PIGG: variants seen among roughly 807,000 people sequenced by gnomAD.
PIGG encodes GPI ethanolamine phosphate transferase 2, catalytic subunit.
In PIGG, 70 loss-of-function variants were observed where a neutral mutation model predicts 83.2. The ratio of observed to expected loss-of-function variants is 0.84; its 90% CI spans 0.69 to 1.03. The LOEUF (loss-of-function observed/expected upper bound fraction) is 1.03, where lower values mean the gene tolerates loss of function less well. Ranked by LOEUF, PIGG falls within the 50% of genes least tolerant of loss-of-function variation. PIGG has a pLI of 0.00. For missense variants in PIGG, 1,257 were observed against 1,233.6 expected, an observed-to-expected ratio of 1.02 and a Z score of -0.28; for synonymous variants, 532 against 519.5, an observed-to-expected ratio of 1.02 and a Z score of -0.33.
intron 5 of PIGG, among the ~76,000 whole-genome samples, chr4:510,577 C>A (rs939587691): frequency 6.6e-6 from 1 of 152,222 alleles, no homozygotes; most frequent in Non-Finnish European, 1.5e-5. Context: ...GAATGTCTGA[C>A]CTGAGCAGAG....
At chr4:527,982 CT>C in intron 10 of PIGG, 1 of 985,412 alleles carries the variant, frequency 1.0e-6, no homozygotes, top group Non-Finnish European at 1.2e-6. Context: ...CTGAAGTGTC[CT>C]TCACAAAGTG....
Position 528,260 on chromosome 4 carries a change from ATACT to A in PIGG, c.2261+1033_2261+1036del, listed in dbSNP as rs1728203969. The A allele has an allele frequency of 1.0e-6, 1 of 983,386 alleles. No individual in the cohort carries two copies. The highest frequency in any genetic ancestry group is 1.7e-5 in the African/African-American group (1 of 57,172). 60.9% of individuals were successfully genotyped at this position (983,386 alleles called of 1,614,324 possible). On this transcript the variant is annotated intron_variant, in intron 10 of 12. Transcript: ENST00000453061. This position sits in a 1 kb window ranked among gnomAD's most constrained non-coding sequence, Gnocchi z 4.8. ...TTTTCATACTTATATGAAAGACTAC[ATACT>A]TAAAATACTGGTGATTATATTTAGG... is the stretch of plus-strand genomic sequence containing the variant.
intron 12 of PIGG, among the ~76,000 whole-genome samples, chr4:537,824 T>G (rs550140822): frequency 6.6e-6 from 1 of 152,312 alleles, no homozygotes; most frequent in East Asian, 1.9e-4. Context: ...GGTGAGGCTG[T>G]GGAGGGGCCA....
intron 4 of PIGG, among the ~76,000 whole-genome samples, chr4:508,608 C>T (rs1346655760): frequency 6.6e-6 from 1 of 152,240 alleles, no homozygotes; most frequent in East Asian, 1.9e-4. Context: ...ATGCAGCCTG[C>T]TGTGCTCCAT....
At chr4:503,416 C>G (rs1718459135) in intron 2 of PIGG, among the ~76,000 whole-genome samples, 1 of 152,160 alleles carries the variant, frequency 6.6e-6, no homozygotes, top group Non-Finnish European at 1.5e-5. Context: ...TCCCGTTTAC[C>G]TCTTCATCCT....
chr4:501,217 G>A (rs1336651232), intron 2 of PIGG: 7 of 451,204 alleles, frequency 1.6e-5, no homozygotes, highest in African/African-American at 6.0e-5. Context: ...ACGACTATGT[G>A]GTGATACTTC....
At chr4:519,472 C>T (rs1183161574) in intron 6 of PIGG, among the ~76,000 whole-genome samples, 4 of 152,260 alleles carry the variant, frequency 2.6e-5, no homozygotes, top group Non-Finnish European at 5.9e-5. Flanking sequence ...AGGATGCCAG[C>T]CCTGGAACCA....
intron 12 of PIGG, among the ~76,000 whole-genome samples, chr4:535,378 C>T (rs1730236912): frequency 6.6e-6 from 1 of 152,224 alleles, no homozygotes; most frequent in African/African-American, 2.4e-5. Flanking sequence ...GCCACAGTCA[C>T]GAATCCCCGC....
intron 9 of PIGG, among the ~76,000 whole-genome samples, chr4:524,134 T>C (rs1026092645): frequency 6.6e-6 from 1 of 152,250 alleles, no homozygotes; most frequent in Non-Finnish European, 1.5e-5. Context: ...ACAGGTTTCA[T>C]TTATTAGTGC....
Position 540,085 on chromosome 4 carries a change from T to A in PIGG, c.*716T>A, listed in dbSNP as rs1248099431. ...AGGTGGCTGAGGAAAGAGTATTGTT[T>A]CAGCCGAGTTCAAGGCTGCAGTGAG... On this transcript the variant is annotated 3_prime_UTR_variant, in exon 13 of 13. Coordinates refer to ENST00000453061, the MANE Select transcript of PIGG (RefSeq NM_001127178.3). 1 of 152,244 alleles carries A rather than the reference T, an allele frequency of 6.6e-6. No individual in the cohort carries two copies. Among genetic ancestry groups the A allele is most frequent in the African/African-American group, 2.4e-5 (1 of 41,432 alleles). 9.4% of individuals were successfully genotyped at this position (152,244 alleles called of 1,614,324 possible).
intron 2 of PIGG, 64 bp downstream of exon 2, chr4:500,665 C>G: frequency 9.6e-7 from 1 of 1,042,824 alleles, no homozygotes; most frequent in African/African-American, 1.6e-5. Flanking sequence ...GAGGGGGTCT[C>G]TGTAGTCTTT....
rs769746714 is a variant in PIGG, at chr4:530,444, T to C, written c.2270T>C (p.Ile757Thr). The C allele has an allele frequency of 1.9e-6, 3 of 1,610,866 alleles. No individual in the cohort carries two copies. Among genetic ancestry groups the C allele is most frequent in the Admixed American group, 1.7e-5 (1 of 59,872 alleles). Residue 757 changes from isoleucine (I) to threonine (T), a missense_variant, in exon 11 of 13, where the codon ATT (isoleucine) becomes ACT (threonine). Transcript: ENST00000453061. ...GTTTTGCTCTTTTTTAGGGGTATTATTGAAGCTCGTTTTGTTTATGTCTTT... is the reference window on the plus strand; with the variant it reads ...GTTTTGCTCTTTTTTAGGGGTATTACTGAAGCTCGTTTTGTTTATGTCTTT... ...PDSKDISKGI[I>T]EARFVYVFVL...
rs1553881453 is a variant in PIGG at position 508,841 on chromosome 4, C to T, written c.772C>T (p.Pro258Ser). ...TSLQSKERET[P>S]LPNLLVLCGD... ...CTTTGCCTTAAAGGAGAGAGAGACG[C>T]CTTTACCCAATTTGCTGGTTCTTTG... is the stretch of plus-strand genomic sequence containing the variant. The change falls in exon 5 of 13, where the codon CCT (proline) becomes TCT (serine). Residue 258 changes from proline to serine, a missense_variant. By Grantham distance (74) the Pro-to-Ser change is moderately conservative. Coordinates refer to ENST00000453061, the MANE Select transcript of PIGG (RefSeq NM_001127178.3). 6.2e-7 allele frequency: 1 copy of T among 1,614,038 alleles called. No homozygotes were observed. The highest frequency in any genetic ancestry group is 8.5e-7 in the Non-Finnish European group (1 of 1,179,938).
At chr4:514,776 T>C (rs1351368847) in intron 5 of PIGG, among the ~76,000 whole-genome samples, 1 of 152,230 alleles carries the variant, frequency 6.6e-6, no homozygotes, top group African/African-American at 2.4e-5. Context: ...AGAATTAGCA[T>C]ATCACATAAT....
chr4:514,778 TCA>T (rs1162356241), intron 5 of PIGG, among the ~76,000 whole-genome samples: 1 of 152,302 alleles, frequency 6.6e-6, no homozygotes, highest in Non-Finnish European at 1.5e-5. Flanking sequence ...AATTAGCATA[TCA>T]CATAATGACT....
chr4:521,755 T>C lies in PIGG; in HGVS notation c.1428T>C (p.Phe476=), dbSNP rs766083746. The C allele has an allele frequency of 1.9e-6, 3 of 1,614,202 alleles. No individual in the cohort carries two copies. Among genetic ancestry groups the C allele is most frequent in the Admixed American group, 1.7e-5 (1 of 60,022 alleles). ...CATCTCCTGGGTTTTCTCTGCTCTT[T>C]TATTTGGTGATCCTGGTTCTTTCGG... ...PLSSPGFSLL[F]YLVILVLSAV... The change falls in exon 8 of 13, where the codon TTT becomes TTC. Residue 476 remains phenylalanine, a synonymous_variant. Coordinates refer to ENST00000453061, the MANE Select transcript of PIGG (RefSeq NM_001127178.3).
Position 539,193 on chromosome 4 carries a change from A to T in PIGG, c.2776A>T (p.Ile926Phe). 1 of 1,613,572 alleles carries T rather than the reference A, an allele frequency of 6.2e-7. No homozygotes were observed. The highest frequency in any genetic ancestry group is 1.7e-4 in the Middle Eastern group (1 of 5,952). ...TCATGCTTGCTTCTGCTACGCACTG[A>T]TTTGTTCTATTCCAGTTTTCACGTA... is the stretch of plus-strand genomic sequence containing the variant. ...LSHACFCYAL[I>F]CSIPVFTYIV... Residue 926 changes from isoleucine to phenylalanine, a missense_variant, in exon 13 of 13, where the codon ATT (isoleucine) becomes TTT (phenylalanine). Ile to Phe is a conservative substitution (Grantham distance 21). Transcript: ENST00000453061.
chr4:504,531 A>G (rs555145010), intron 2 of PIGG, among the ~76,000 whole-genome samples: 2 of 152,174 alleles, frequency 1.3e-5, no homozygotes, highest in African/African-American at 2.4e-5. Context: ...TGACAGTTTC[A>G]TCCAGTTTTA....
intron 4 of PIGG, 132 bp from the exon 5 acceptor site, chr4:508,697 A>G (rs79053875): frequency 1.3e-6 from 1 of 741,664 alleles, no homozygotes; most frequent in Non-Finnish European, 2.2e-6. Flanking sequence ...AGCTCATAGG[A>G]AAAAAAAATC....
Sources: gnomAD v4.1 joint callset for allele counts (sites outside exome capture counted in the v4.1 genomes callset) on GRCh38, gnomAD v4.1.1 for gene constraint, Gnocchi (gnomAD v3.1) non-coding constraint, MANE v1.5 for transcripts, NCBI Gene and HGNC (gene_info 2026-07-23, HGNC 2026-07-21) for gene names.